Variants in NDFIP2 observed in about 807,000 individuals in gnomAD.
NDFIP2 encodes the protein Nedd4 family interacting protein 2.
In NDFIP2, 19 loss-of-function variants were observed where a neutral mutation model predicts 36.0. The observed-to-expected ratio is 0.53, with a 90% CI of 0.37 to 0.77. The LOEUF (loss-of-function observed/expected upper bound fraction) is 0.77. Among genes scored for constraint, NDFIP2 ranks in the 30% least tolerant of loss-of-function variants. NDFIP2 has a pLI of 0.00. For missense variants in NDFIP2, 446 were observed against 435.8 expected, an observed-to-expected ratio of 1.02 and a Z score of -0.21; for synonymous variants, 181 against 167.7, an observed-to-expected ratio of 1.08 and a Z score of -0.61.
Position 79,485,266 on chromosome 13 carries a change from C to T in NDFIP2, c.321+3742C>T, listed in dbSNP as rs553184366. Among the ~76,000 whole-genome samples, 4 of 152,240 alleles carry T rather than the reference C, an allele frequency of 2.6e-5. No homozygotes were observed. The East Asian group carries it at 5.8e-4, about 22-fold the overall frequency. On this transcript the variant is annotated intron_variant, in intron 1 of 7. Coordinates refer to ENST00000218652, the MANE Select transcript of NDFIP2 (RefSeq NM_019080.3). ...AGCAAACAACAAACAAACTAGTTCA[C>T]CTTCTCCTGGGATGGCAGTTACACA...
intron 3 of NDFIP2, among the ~76,000 whole-genome samples, chr13:79,539,209 AAT>A (rs1012643673): frequency 2.6e-5 from 4 of 152,294 alleles, no homozygotes; most frequent in East Asian, 1.9e-4. Context: ...TATAAGAGGG[AAT>A]ATGTGTGTGT....
rs1005095574 is a variant in NDFIP2, at chr13:79,544,297, T to C, written c.840+615T>C. Among the ~76,000 whole-genome samples, 10 of 152,304 alleles carry C rather than the reference T, an allele frequency of 6.6e-5. No homozygotes were observed. In the East Asian group the frequency reaches 1.7e-3, roughly 26 times the overall value. ...TCTAACCTTCCTTATTTTCCTGTTG[T>C]TCCCTGAAGTCACCCCCTGCCTTCT... On this transcript the variant is annotated intron_variant, in intron 5 of 7. Transcript: ENST00000218652.
chr13:79,519,844 A>T (rs1345983401), intron 1 of NDFIP2, among the ~76,000 whole-genome samples: 1 of 152,200 alleles, frequency 6.6e-6, no homozygotes, highest in Admixed American at 6.5e-5. Flanking sequence ...GACAATGTCA[A>T]GGCTGGAGTG....
chr13:79,546,170 T>G lies in NDFIP2; in HGVS notation c.841-2158T>G, dbSNP rs1875670811. 3.3e-5 allele frequency among the ~76,000 whole-genome samples: 5 copies of G among 152,174 alleles called. No homozygotes were observed. The East Asian group carries it at 9.6e-4, about 29-fold the overall frequency. On this transcript the variant is annotated intron_variant, in intron 5 of 7. Coordinates refer to ENST00000218652, the MANE Select transcript of NDFIP2 (RefSeq NM_019080.3). ...GTAAAACATTCCTCTTAGAGTTTAG[T>G]GCTGAGAGAAAAGTTTTCTCCTAAA... is the stretch of plus-strand genomic sequence containing the variant.
chr13:79,520,898 C>A lies in NDFIP2; in HGVS notation c.410C>A (p.Ser137Tyr), dbSNP rs751254644. 9.3e-6 allele frequency: 15 copies of A among 1,613,798 alleles called. No individual in the cohort carries two copies. In the East Asian group the frequency reaches 2.9e-4, roughly 31 times the overall value. ...NPAPQIVQAA[S>Y]SAPALETDSS... is the part of the protein sequence containing the mutation. ...GCACCGCAGATTGTGCAGGCTGCGT[C>A]TTCAGCACCAGCACTTGAAACTGAC... Residue 137 changes from serine (S) to tyrosine (Y), a missense_variant, in exon 2 of 8, where the codon TCT becomes TAT. Ser to Tyr is a moderately radical substitution (Grantham distance 144). Transcript: ENST00000218652.
At chr13:79,514,677 T>C (rs189059531) in intron 1 of NDFIP2, among the ~76,000 whole-genome samples, 2 of 152,296 alleles carry the variant, frequency 1.3e-5, no homozygotes, top group East Asian at 3.9e-4. Context: ...CAGATTCCTT[T>C]TTTGTATGTG....
chr13:79,519,729 C>T (rs561128343), intron 1 of NDFIP2, among the ~76,000 whole-genome samples: 28 of 152,278 alleles, frequency 1.8e-4, no homozygotes, highest in African/African-American at 3.4e-4. Context: ...TTTGTTGAGA[C>T]GAAGAGCATT....
intron 3 of NDFIP2, among the ~76,000 whole-genome samples, chr13:79,537,193 C>T (rs182762964): frequency 4.6e-5 from 7 of 152,156 alleles, no homozygotes; most frequent in Non-Finnish European, 7.4e-5. Context: ...GTGCAACCTC[C>T]GCCTCCCCAG....
chr13:79,502,173 C>G (rs1048118857), intron 1 of NDFIP2, among the ~76,000 whole-genome samples: 1 of 152,104 alleles, frequency 6.6e-6, no homozygotes, highest in African/African-American at 2.4e-5. Flanking sequence ...CCAAGGTTAT[C>G]CAGCTCATAG....
At chr13:79,518,755 C>G (rs534128834) in intron 1 of NDFIP2, among the ~76,000 whole-genome samples, 41 of 152,296 alleles carry the variant, frequency 2.7e-4, no homozygotes, top group Admixed American at 5.9e-4. Context: ...AAGATTTTAT[C>G]AGAGGTCCTA....
chr13:79,550,566 T>C (rs910241094), intron 6 of NDFIP2, among the ~76,000 whole-genome samples: 8 of 151,638 alleles, frequency 5.3e-5, no homozygotes, highest in Non-Finnish European at 1.2e-4. Flanking sequence ...ATTGTTTTTT[T>C]CCTCATAATT....
At chr13:79,482,041 A>G (rs2079816780) in intron 1 of NDFIP2, among the ~76,000 whole-genome samples, 1 of 152,052 alleles carries the variant, frequency 6.6e-6, no homozygotes, top group Non-Finnish European at 1.5e-5. Context: ...CTGTAGAGAA[A>G]GACTAGCCAT....
intron 1 of NDFIP2, among the ~76,000 whole-genome samples, chr13:79,501,548 CAGAA>C (rs1269168548): frequency 1.3e-5 from 2 of 152,006 alleles, no homozygotes; most frequent in Admixed American, 6.6e-5. Flanking sequence ...GAGAGGGAAA[CAGAA>C]AGAGTGAGTG....
intron 1 of NDFIP2, among the ~76,000 whole-genome samples, chr13:79,490,381 A>G (rs1318517869): frequency 6.6e-6 from 1 of 152,210 alleles, no homozygotes; most frequent in African/African-American, 2.4e-5. Flanking sequence ...TGGTGGTCTC[A>G]TGTGACTAGA....
chr13:79,520,694 C>A, intron 1 of NDFIP2, 116 bp from the exon 2 acceptor site: 1 of 946,558 alleles, frequency 1.1e-6, no homozygotes. Flanking sequence ...CTAAAAATGC[C>A]ATTTTCTTTG....
chr13:79,539,478 A>G (rs1875374440), intron 3 of NDFIP2, among the ~76,000 whole-genome samples: 1 of 152,084 alleles, frequency 6.6e-6, no homozygotes, highest in Non-Finnish European at 1.5e-5. Context: ...GTTTATCTTT[A>G]AAGTTACTCT....
intron 1 of NDFIP2, among the ~76,000 whole-genome samples, chr13:79,492,303 T>C (rs1873256226): frequency 2.0e-5 from 3 of 151,980 alleles, no homozygotes; most frequent in African/African-American, 4.8e-5. Flanking sequence ...TGACAGCTTT[T>C]GTAGAACATT....
intron 1 of NDFIP2, among the ~76,000 whole-genome samples, chr13:79,511,412 A>G (rs1050168652): frequency 6.6e-6 from 1 of 152,200 alleles, no homozygotes; most frequent in African/African-American, 2.4e-5. Context: ...TTTGGGATAT[A>G]TATTCAGTGA....
chr13:79,551,244 A>G (rs1875897816), intron 7 of NDFIP2, 122 bp downstream of exon 7: 2 of 469,182 alleles, frequency 4.3e-6, no homozygotes, highest in Admixed American at 3.9e-5. Context: ...ATATTTTTTA[A>G]TACTGCTAAC....
Sources: allele counts gnomAD v4.1 joint callset (sites outside exome capture counted in the v4.1 genomes callset), GRCh38; gene constraint gnomAD v4.1.1; transcripts MANE v1.5; gene names NCBI Gene and HGNC (gene_info 2026-07-23, HGNC 2026-07-21).